The following RAPGEF2 variants were observed in gnomAD, a reference collection of about 807,000 sequenced individuals.
The protein encoded by RAPGEF2 is Rap guanine nucleotide exchange factor 2, also known as PDZ domain containing guanine nucleotide exchange factor (GEF) 1.
In RAPGEF2, 54 loss-of-function variants were observed where a neutral mutation model predicts 186.7. That is an observed-to-expected ratio of 0.29 (90% CI 0.23 to 0.36). RAPGEF2 has a LOEUF of 0.36. Ranked by LOEUF, RAPGEF2 falls within the 10% of genes least tolerant of loss-of-function variation. The pLI, the probability that RAPGEF2 is intolerant of heterozygous loss-of-function variation, is 1.00. For synonymous variants in RAPGEF2, 712 were observed against 705.9 expected (o/e 1.01, Z -0.14); for missense variants, 1,532 against 2,045.0 (o/e 0.75, Z 4.84).
intron 1 of RAPGEF2, among the ~76,000 whole-genome samples, chr4:159,182,267 T>G (rs1275501475): frequency 6.6e-6 from 1 of 152,150 alleles, no homozygotes; most frequent in East Asian, 1.9e-4. Context: ...ACTGATAAAT[T>G]TTAAATTGGA....
chr4:159,111,836 T>G (rs897233074), intron 1 of RAPGEF2, among the ~76,000 whole-genome samples: 9 of 152,328 alleles, frequency 5.9e-5, no homozygotes, highest in African/African-American at 2.2e-4. Flanking sequence ...AGAGATCCTG[T>G]GTGTACCCTT....
At chr4:159,338,762 AGAGT>A (rs556309795) in intron 18 of RAPGEF2, among the ~76,000 whole-genome samples, 211 of 152,382 alleles carry the variant, frequency 1.4e-3, no homozygotes, top group Non-Finnish European at 2.5e-3. Context: ...TCAAATAGAT[AGAGT>A]AAGAGGCATA....
chr4:159,205,669 A>G (rs935916646), intron 3 of RAPGEF2, among the ~76,000 whole-genome samples: 46 of 152,086 alleles, frequency 3.0e-4, no homozygotes, highest in African/African-American at 1.1e-3. Flanking sequence ...AAACATGTGT[A>G]GCACTTCCCT....
At chr4:159,197,548 TTC>T (rs902891167) in intron 3 of RAPGEF2, among the ~76,000 whole-genome samples, 9 of 152,190 alleles carry the variant, frequency 5.9e-5, no homozygotes, top group East Asian at 1.9e-4. Flanking sequence ...TGTAAGGGGT[TTC>T]TCTCTCTCTA....
chr4:159,205,379 C>G (rs561603856), intron 3 of RAPGEF2, among the ~76,000 whole-genome samples: 1 of 152,172 alleles, frequency 6.6e-6, no homozygotes, highest in East Asian at 1.9e-4. Context: ...TTATTACTAC[C>G]ACTACACTTA....
At chr4:159,133,404 T>C (rs189303109) in intron 1 of RAPGEF2, among the ~76,000 whole-genome samples, 1 of 152,058 alleles carries the variant, frequency 6.6e-6, no homozygotes, top group East Asian at 1.9e-4. Context: ...CCTTTTTAAG[T>C]GTAAAGTTGT....
At chr4:159,346,689 C>A (rs1191884106) in intron 24 of RAPGEF2, 100 bp from the exon 25 acceptor site, 12 of 998,878 alleles carry the variant, frequency 1.2e-5, no homozygotes, top group Admixed American at 2.2e-5. Flanking sequence ...ATTTAGTATT[C>A]TAACTGCAGA....
At chr4:159,164,727 G>A (rs4466001) in intron 1 of RAPGEF2, among the ~76,000 whole-genome samples, 151,132 of 152,284 alleles carry the variant, frequency 0.99, 75,006 homozygotes, top group East Asian at 1. Flanking sequence ...GCTTGAAACT[G>A]ATATTTTGGT....
intron 28 of RAPGEF2, 96 bp downstream of exon 28, chr4:159,354,142 C>G (rs1401722974): frequency 7.8e-7 from 1 of 1,283,994 alleles, no homozygotes; most frequent in Non-Finnish European, 1.0e-6. Context: ...GGTTCTTTTC[C>G]TCATTTTCTC....
intron 17 of RAPGEF2, among the ~76,000 whole-genome samples, chr4:159,337,505 A>G (rs1014884122): frequency 1.3e-5 from 2 of 152,274 alleles, no homozygotes; most frequent in African/African-American, 4.8e-5. Flanking sequence ...TTTAAAATCC[A>G]TTTCCATCAG....
chr4:159,162,912 G>A (rs939296629), intron 1 of RAPGEF2, among the ~76,000 whole-genome samples: 8 of 151,990 alleles, frequency 5.3e-5, no homozygotes, highest in Admixed American at 6.6e-5. Flanking sequence ...GATTACCCAG[G>A]GAGGAAGAAA....
At chr4:159,157,072 C>T (rs572089508) in intron 1 of RAPGEF2, among the ~76,000 whole-genome samples, 24 of 152,274 alleles carry the variant, frequency 1.6e-4, no homozygotes, top group African/African-American at 5.3e-4. Flanking sequence ...GGTTCATTGG[C>T]CTTTCACTTT....
intron 7 of RAPGEF2, among the ~76,000 whole-genome samples, chr4:159,302,870 A>C (rs1265577891): frequency 6.6e-6 from 1 of 151,944 alleles, no homozygotes; most frequent in Admixed American, 6.6e-5. Flanking sequence ...ATTTTACAAC[A>C]TCTTCAATTA....
chr4:159,255,662 G>T (rs536579411), intron 7 of RAPGEF2, among the ~76,000 whole-genome samples: 42 of 152,072 alleles, frequency 2.8e-4, no homozygotes, highest in African/African-American at 9.6e-4. Context: ...CGTGATAAGG[G>T]GTCACCATAG....
intron 1 of RAPGEF2, among the ~76,000 whole-genome samples, chr4:159,127,253 C>T (rs1007903132): frequency 2.0e-5 from 3 of 152,188 alleles, no homozygotes; most frequent in African/African-American, 7.2e-5. Flanking sequence ...TTTTGAATTC[C>T]TGACCTCAGG....
intron 7 of RAPGEF2, among the ~76,000 whole-genome samples, chr4:159,260,774 G>A (rs1756737849): frequency 6.6e-6 from 1 of 152,110 alleles, no homozygotes; most frequent in African/African-American, 2.4e-5. Flanking sequence ...TTGAGACGGA[G>A]TTTCACTCTT....
intron 8 of RAPGEF2, among the ~76,000 whole-genome samples, chr4:159,308,088 G>A (rs1763524714): frequency 6.6e-6 from 1 of 152,186 alleles, no homozygotes; most frequent in South Asian, 2.1e-4. Flanking sequence ...AATGCAGATG[G>A]TACTTCTGCC....
intron 7 of RAPGEF2, among the ~76,000 whole-genome samples, chr4:159,303,425 T>TA (rs964381152): frequency 1.4e-4 from 22 of 152,298 alleles, no homozygotes; most frequent in African/African-American, 5.3e-4. Context: ...TGATGCTAGT[T>TA]AACATGTATT....
At chr4:159,181,086 C>T (rs368909454) in intron 1 of RAPGEF2, among the ~76,000 whole-genome samples, 4 of 152,100 alleles carry the variant, frequency 2.6e-5, no homozygotes, top group Admixed American at 6.5e-5. Flanking sequence ...TGTATAAGAG[C>T]GTGGCCCTTA....
Sources: allele counts gnomAD v4.1 joint callset (sites outside exome capture counted in the v4.1 genomes callset), GRCh38; gene constraint gnomAD v4.1.1; transcripts MANE v1.5; gene names NCBI Gene and HGNC (gene_info 2026-07-23, HGNC 2026-07-21).